Variants in DAGLA observed in about 807,000 individuals in gnomAD.
DAGLA encodes the protein diacylglycerol lipase-alpha.
A neutral mutation model predicts 102.6 loss-of-function variants in DAGLA; 22 were observed. The observed-to-expected ratio is 0.21, with a 90% CI of 0.15 to 0.31. The LOEUF (loss-of-function observed/expected upper bound fraction) is 0.31. Ranked by LOEUF, DAGLA falls within the 10% of genes least tolerant of loss-of-function variation. DAGLA has a pLI of 1.00. For synonymous variants in DAGLA, 578 were observed against 628.9 expected (o/e 0.92, Z 1.21); for missense variants, 927 against 1,446.6 (o/e 0.64, Z 5.83).
chr11:61,715,528 C>T (rs983198034), intron 1 of DAGLA, among the ~76,000 whole-genome samples: 4 of 152,224 alleles, frequency 2.6e-5, no homozygotes, highest in Admixed American at 6.5e-5. Context: ...AGGGACTCTG[C>T]TCCTTAAAAT....
rs190025803 is a variant in DAGLA, at chr11:61,731,734, C to T, written c.974+293C>T. Among the ~76,000 whole-genome samples, 422 of 152,282 alleles carry T rather than the reference C, an allele frequency of 2.8e-3. 2 individuals are homozygous for T. Among genetic ancestry groups the T allele is most frequent in the South Asian group, 6.4e-3 (31 of 4,828 alleles). On this transcript the variant is annotated intron_variant, in intron 9 of 19. Coordinates refer to ENST00000257215, the MANE Select transcript of DAGLA (RefSeq NM_006133.3). ...TGCGAAGTGGAGATGTTGATACATA[C>T]CTCGTGGAATTTTTTGGAGAGGGCT...
In DAGLA at chr11:61,686,529, T is replaced by G. The variant is rs2064986370; in HGVS notation, c.-45+6025T>G. On this transcript the variant is annotated intron_variant, in intron 1 of 19. Coordinates refer to ENST00000257215, the MANE Select transcript of DAGLA (RefSeq NM_006133.3). The surrounding 1 kb of genome is among the most constrained non-coding windows in gnomAD (Gnocchi z 5.2). ...GGAAGTTTCATCAAAACCTTTTCAG[T>G]GTTTGGGAGTTCTCTGAGCCTGGAG... Among the ~76,000 whole-genome samples, 1 of 152,210 alleles carries G rather than the reference T, an allele frequency of 6.6e-6. No individual in the cohort carries two copies. The highest frequency in any genetic ancestry group is 6.5e-5 in the Admixed American group (1 of 15,282).
intron 1 of DAGLA, among the ~76,000 whole-genome samples, chr11:61,713,003 A>C (rs2065207322): frequency 6.6e-6 from 1 of 152,180 alleles, no homozygotes; most frequent in African/African-American, 2.4e-5. Context: ...AAGTTGGGGT[A>C]ATACCCTGTG....
chr11:61,709,645 A>G (rs964763767), intron 1 of DAGLA, among the ~76,000 whole-genome samples: 1 of 151,958 alleles, frequency 6.6e-6, no homozygotes, highest in Admixed American at 6.6e-5. Flanking sequence ...TGACAGAGGG[A>G]GGGGACGGGG....
Position 61,723,650 on chromosome 11 carries a change from G to A in DAGLA, c.548+78G>A, listed in dbSNP as rs192529561. ...AGCAGAGGTCTCCATTCTTCAGAAG[G>A]CTACCCCAGGCCTCCCAGACTGCAT... is the stretch of plus-strand genomic sequence containing the variant. On this transcript the variant is annotated intron_variant, in intron 5 of 19. Coordinates refer to ENST00000257215, the MANE Select transcript of DAGLA (RefSeq NM_006133.3). The A allele has an allele frequency of 6.7e-5, 104 of 1,555,940 alleles. No individual in the cohort carries two copies. The East Asian group carries it at 7.7e-4, about 12-fold the overall frequency.
rs1408608714 is a variant in DAGLA, at chr11:61,745,524, C to G, written c.*1035C>G. On this transcript the variant is annotated 3_prime_UTR_variant, in exon 20 of 20. Transcript: ENST00000257215. ...CCTTCCTCCCTCCCACCCCCAATGT[C>G]CTGTTGGTAGGAGGTGGGGCCAAGA... The G allele has an allele frequency of 6.5e-6, 1 of 152,854 alleles. No homozygotes were observed. The highest frequency in any genetic ancestry group is 1.5e-5 in the Non-Finnish European group (1 of 68,254). 9.5% of individuals were successfully genotyped at this position (152,854 alleles called of 1,614,324 possible). A position where few individuals can be genotyped will look rare whatever the true frequency, so the allele number is the denominator to read the frequency against.
chr11:61,725,642 C>A (rs1391750376), intron 5 of DAGLA, among the ~76,000 whole-genome samples: 1 of 152,170 alleles, frequency 6.6e-6, no homozygotes, highest in Non-Finnish European at 1.5e-5. Context: ...GGGTAGCCCC[C>A]ACTTAGGGCT....
chr11:61,739,608 C>T lies in DAGLA; in HGVS notation c.1800C>T (p.Tyr600=), dbSNP rs747382452. Residue 600 remains tyrosine, a synonymous_variant, in exon 17 of 20, where the codon TAC becomes TAT. Coordinates refer to ENST00000257215, the MANE Select transcript of DAGLA (RefSeq NM_006133.3). ...TIALSASTPL[Y]PPGRIIHVVH... ...CCCTCTCAGCCAGCACTCCACTCTA[C>T]CCGCCCGGCCGCATCATCCACGTGG... 1.2e-6 allele frequency: 2 copies of T among 1,614,150 alleles called. No individual in the cohort carries two copies. The highest frequency in any genetic ancestry group is 2.2e-5 in the South Asian group (2 of 91,090).
At chr11:61,735,699 C>T (rs1390179690) in intron 11 of DAGLA, 40 bp from the exon 12 acceptor site, 5 of 1,612,778 alleles carry the variant, frequency 3.1e-6, no homozygotes, top group African/African-American at 1.3e-5. Flanking sequence ...TCTTCCTGTC[C>T]TCTTTAGCCG....
intron 13 of DAGLA, among the ~76,000 whole-genome samples, chr11:61,736,627 A>G (rs993585025): frequency 6.6e-6 from 1 of 152,248 alleles, no homozygotes; most frequent in Non-Finnish European, 1.5e-5. Flanking sequence ...TAAGCCTCAT[A>G]GCTGCAGAAC....
chr11:61,731,196 A>G, intron 8 of DAGLA, 121 bp from the exon 9 acceptor site: 1 of 1,228,232 alleles, frequency 8.1e-7, no homozygotes, highest in African/African-American at 1.5e-5. Context: ...TCAACAGGGG[A>G]CCAGCAACCC....
intron 1 of DAGLA, among the ~76,000 whole-genome samples, chr11:61,698,001 C>T (rs1012012763): frequency 6.6e-6 from 1 of 152,248 alleles, no homozygotes; most frequent in Non-Finnish European, 1.5e-5. Flanking sequence ...AGTACCAGGT[C>T]TTCTGGCAGC....
chr11:61,737,429 A>C, intron 14 of DAGLA, 105 bp downstream of exon 14: 1 of 1,520,852 alleles, frequency 6.6e-7, no homozygotes, highest in Non-Finnish European at 9.0e-7. Flanking sequence ...TTCTGGTCAC[A>C]TGGAGGTCTG....
rs955510702 is a variant in DAGLA at position 61,686,756 on chromosome 11, G to A, written c.-45+6252G>A. ...TGGGCCCCTCGTCATTGTCTCTCCT[G>A]GAGCCATTTAATTAATTGATGATTG... On this transcript the variant is annotated intron_variant, in intron 1 of 19. Coordinates refer to ENST00000257215, the MANE Select transcript of DAGLA (RefSeq NM_006133.3). The surrounding 1 kb of genome is among the most constrained non-coding windows in gnomAD (Gnocchi z 5.2). Among the ~76,000 whole-genome samples, 17 of 152,170 alleles carry A rather than the reference G, an allele frequency of 1.1e-4. No individual in the cohort carries two copies. Among genetic ancestry groups the A allele is most frequent in the African/African-American group, 4.1e-4 (17 of 41,436 alleles).
chr11:61,721,602 T>A (rs1263197472), intron 3 of DAGLA, among the ~76,000 whole-genome samples: 1 of 152,284 alleles, frequency 6.6e-6, no homozygotes, highest in South Asian at 2.1e-4. Flanking sequence ...CATATCTTCC[T>A]TGTGATCCTT....
intron 1 of DAGLA, among the ~76,000 whole-genome samples, chr11:61,707,814 G>A (rs985756425): frequency 2.6e-5 from 4 of 152,164 alleles, no homozygotes; most frequent in Admixed American, 6.5e-5. Flanking sequence ...GGGCGTGCCC[G>A]GCCGGCAGGG....
intron 1 of DAGLA, among the ~76,000 whole-genome samples, chr11:61,697,271 C>T (rs11826698): frequency 3.5e-4 from 53 of 152,314 alleles, no homozygotes; most frequent in African/African-American, 7.9e-4. Flanking sequence ...CCCAACCCTA[C>T]CCAGCCTCCT....
Position 61,729,068 on chromosome 11 carries a change from GACCTA to G in DAGLA, c.849+62_849+66del, listed in dbSNP as rs939200125. 4 of 1,482,248 alleles carry G rather than the reference GACCTA, an allele frequency of 2.7e-6. No individual in the cohort carries two copies. The African/African-American group carries it at 5.5e-5, about 21-fold the overall frequency. The allele number at this position is 1,482,248 out of a possible 1,614,324, so 91.8% of individuals were successfully genotyped here. A position where few individuals can be genotyped will look rare whatever the true frequency, so the allele number is the denominator to read the frequency against. Reference sequence around the variant, plus strand: ...CCCATCCCTCCCACTCTGCCACAATGACCTAAGCAAACTCCTCCCAGCTGCCCTTG... The same window carrying G: ...CCCATCCCTCCCACTCTGCCACAATGAGCAAACTCCTCCCAGCTGCCCTTG... On this transcript the variant is annotated intron_variant, in intron 8 of 19. Coordinates refer to ENST00000257215, the MANE Select transcript of DAGLA (RefSeq NM_006133.3).
chr11:61,690,253 C>T (rs1424883141), intron 1 of DAGLA, among the ~76,000 whole-genome samples: 1 of 152,248 alleles, frequency 6.6e-6, no homozygotes, highest in Non-Finnish European at 1.5e-5. Flanking sequence ...TTCGCTGGGA[C>T]TGGGGCCAGA....
Sources: gnomAD v4.1 joint callset for allele counts (sites outside exome capture counted in the v4.1 genomes callset) on GRCh38, gnomAD v4.1.1 for gene constraint, Gnocchi (gnomAD v3.1) non-coding constraint, MANE v1.5 for transcripts, NCBI Gene and HGNC (gene_info 2026-07-23, HGNC 2026-07-21) for gene names.